AGRN: variants seen among roughly 807,000 people sequenced by gnomAD.
AGRN encodes the protein agrin, also known as agrin proteoglycan.
In AGRN, 106 loss-of-function variants were observed where a neutral mutation model predicts 211.0. The ratio of observed to expected loss-of-function variants is 0.50; its 90% CI spans 0.43 to 0.59. AGRN has a LOEUF of 0.59. Among genes scored for constraint, AGRN ranks in the 20% least tolerant of loss-of-function variants. AGRN has a pLI of 0.00. For synonymous variants in AGRN, 1,525 were observed against 1,332.5 expected, an observed-to-expected ratio of 1.14 and a Z score of -3.15; for missense variants, 3,040 against 2,982.6, an observed-to-expected ratio of 1.02 and a Z score of -0.45.
intron 1 of AGRN, 86 bp from the exon 2 acceptor site, chr1:1,022,115 G>C: frequency 6.5e-7 from 1 of 1,540,872 alleles, no homozygotes. Flanking sequence ...GTCTACTGTG[G>C]ACATTTGCCC....
chr1:1,048,041 A>G lies in AGRN; in HGVS notation c.3781A>G (p.Thr1261Ala), dbSNP rs1384535312. 6.3e-7 allele frequency: 1 copy of G among 1,585,026 alleles called. No homozygotes were observed. Among genetic ancestry groups the G allele is most frequent in the Admixed American group, 1.7e-5 (1 of 58,196 alleles). ...DWFPAFITGA[T>A]SGAIAAGATA... ...GTTTCCTGCGTTTATCACGGGGGCCACGTCAGGAGCCATTGCTGCGGGAGC... is the reference window on the plus strand; with the variant it reads ...GTTTCCTGCGTTTATCACGGGGGCCGCGTCAGGAGCCATTGCTGCGGGAGC... Residue 1261 changes from threonine to alanine, a missense_variant, in exon 23 of 36, where the codon ACG (threonine) becomes GCG (alanine). Physicochemically the swap from Thr to Ala is moderately conservative, Grantham distance 58 (BLOSUM62 0). This residue lies in a region of AGRN where 1,537 missense variants were observed against 1,505.0 expected (regional missense o/e 1.02). Transcript: ENST00000379370. The surrounding 1 kb of genome is among the most constrained non-coding windows in gnomAD (Gnocchi z 5.9).
intron 2 of AGRN, among the ~76,000 whole-genome samples, chr1:1,023,787 C>T (rs998049003): frequency 1.2e-4 from 19 of 152,146 alleles, no homozygotes; most frequent in Admixed American, 4.6e-4. Context: ...AGCCGCTCTA[C>T]GGGTGCCAGG....
At chr1:1,053,416 C>G (rs547041297) in intron 33 of AGRN, 1 of 1,371,272 alleles carries the variant, frequency 7.3e-7, no homozygotes, top group Non-Finnish European at 9.7e-7. Flanking sequence ...GCATTGGCCC[C>G]GCCTGTCCCC....
intron 3 of AGRN, among the ~76,000 whole-genome samples, chr1:1,037,331 C>T (rs756906981): frequency 2.6e-5 from 4 of 152,180 alleles, no homozygotes; most frequent in Non-Finnish European, 4.4e-5. Context: ...TTACACACTG[C>T]CCCCTTCACC....
intron 33 of AGRN, 50 bp downstream of exon 33, chr1:1,051,865 C>T (rs761582547): frequency 2.4e-5 from 38 of 1,605,868 alleles, no homozygotes; most frequent in Middle Eastern, 3.3e-4. Context: ...GCCCTCGGGG[C>T]GGGACACCGG....
chr1:1,029,803 C>T lies in AGRN; in HGVS notation c.464-5474C>T, dbSNP rs1434852876. 8.4e-5 allele frequency among the ~76,000 whole-genome samples: 7 copies of T among 82,856 alleles called. 2 individuals carry two copies. The highest frequency in any genetic ancestry group is 6.4e-4 in the Admixed American group (5 of 7,862). 54.4% of individuals were successfully genotyped at this position (82,856 alleles called of 152,430 possible). A position where few individuals can be genotyped will look rare whatever the true frequency, so the allele number is the denominator to read the frequency against. On this transcript the variant is annotated intron_variant, in intron 2 of 35. Transcript: ENST00000379370. ...TGAGATCGTGTGTGTGTATGCAGTG[C>T]ATGGTGCTGTGTGAGATCAGCGTGT...
At chr1:1,030,592 C>T (rs1644644581) in intron 2 of AGRN, among the ~76,000 whole-genome samples, 1 of 50,918 alleles carries the variant, frequency 2.0e-5, no homozygotes, top group Non-Finnish European at 3.7e-5. Context: ...GTGCATGGTG[C>T]TGTGAGATCA....
chr1:1,029,935 C>G (rs1482786782), intron 2 of AGRN, among the ~76,000 whole-genome samples: 1 of 53,196 alleles, frequency 1.9e-5, no homozygotes, highest in Non-Finnish European at 3.9e-5. Flanking sequence ...TGTGTGAGAT[C>G]AGCATGTGTG....
chr1:1,041,031 C>G (rs1214952992), intron 4 of AGRN, 142 bp from the exon 5 acceptor site: 3 of 369,106 alleles, frequency 8.1e-6, no homozygotes, highest in Admixed American at 1.3e-4. Context: ...GGGGGCGGAG[C>G]GGGGCGGGAG....
At position 1,051,433 on chromosome 1, in the gene AGRN, G is replaced by A; in HGVS notation, c.5371-20G>A. The A allele has an allele frequency of 3.2e-6, 5 of 1,545,340 alleles. No homozygotes were observed. Among genetic ancestry groups the A allele is most frequent in the Non-Finnish European group, 4.3e-6 (5 of 1,150,028 alleles). ...CGGGCGGGGTGGCAGGCGGGACAAG[G>A]CCCTCACCCTGCCCTGCAGGTCTCC... On this transcript the variant is annotated intron_variant, in intron 31 of 35. Transcript: ENST00000379370.
chr1:1,022,676 C>G (rs1021061799), intron 2 of AGRN, among the ~76,000 whole-genome samples: 1 of 152,230 alleles, frequency 6.6e-6, no homozygotes, highest in Non-Finnish European at 1.5e-5. Context: ...GGCCCTGGGG[C>G]CCAAGGCAAG....
chr1:1,046,017 T>C lies in AGRN; in HGVS notation c.2734T>C (p.Cys912Arg), dbSNP rs1279050528. The change falls in exon 16 of 36, where the codon TGC becomes CGC. Residue 912 changes from cysteine (C) to arginine (R), a missense_variant. Coordinates refer to ENST00000379370, the MANE Select transcript of AGRN (RefSeq NM_198576.4). ...AEMRCEFGAR[C>R]VEESGSAHCV... is the part of the protein sequence containing the mutation. ...GATGCGCTGTGAGTTCGGTGCGCGG[T>C]GCGTGGAGGAGTCTGGCTCAGCCCA... 1 of 1,613,916 alleles carries C rather than the reference T, an allele frequency of 6.2e-7. No individual in the cohort carries two copies. The highest frequency in any genetic ancestry group is 8.5e-7 in the Non-Finnish European group (1 of 1,180,000).
chr1:1,048,419 A>G lies in AGRN; in HGVS notation c.4105+54A>G. Reference sequence around the variant, plus strand: ...GGGAGGCAGCAGGGTGGGGGCAAGGATTGGGGGTGGGGCTAAGCCACCATC... The same window carrying G: ...GGGAGGCAGCAGGGTGGGGGCAAGGGTTGGGGGTGGGGCTAAGCCACCATC... On this transcript the variant is annotated intron_variant, in intron 23 of 35. Transcript: ENST00000379370. The surrounding 1 kb of genome is among the most constrained non-coding windows in gnomAD (Gnocchi z 5.9). 8.0e-6 allele frequency: 6 copies of G among 749,210 alleles called. No homozygotes were observed. Among genetic ancestry groups the G allele is most frequent in the Non-Finnish European group, 1.3e-5 (6 of 472,184 alleles). The allele number at this position is 749,210 out of a possible 1,614,324, so 46.4% of individuals were successfully genotyped here.
Position 1,054,569 on chromosome 1 carries a change from A to T in AGRN, c.5980+18A>T. 1 of 1,572,782 alleles carries T rather than the reference A, an allele frequency of 6.4e-7. No individual in the cohort carries two copies. The highest frequency in any genetic ancestry group is 8.6e-7 in the Non-Finnish European group (1 of 1,160,052). ...GTGGCTTGGTGAGTGTTTTGGGGAG[A>T]CTAGAGAGGGATGCCCAAGGGTCTC... On this transcript the variant is annotated intron_variant, in intron 35 of 35. Transcript: ENST00000379370.
intron 2 of AGRN, among the ~76,000 whole-genome samples, chr1:1,026,100 G>A (rs1265595189): frequency 6.6e-6 from 1 of 152,014 alleles, no homozygotes; most frequent in East Asian, 1.9e-4. Context: ...CTGAGCTGGT[G>A]GAAGGAACTC....
Position 1,050,808 on chromosome 1 carries a change from G to T in AGRN, c.5224G>T (p.Asp1742Tyr). 6.3e-7 allele frequency: 1 copy of T among 1,592,336 alleles called. No individual in the cohort carries two copies. The highest frequency in any genetic ancestry group is 1.7e-5 in the Admixed American group (1 of 57,802). ...NGRKGALRVG[D>Y]GPRVLGESPV... ...CCGCAAGGGTGCCCTGCGTGTGGGC[G>T]ACGGCCCCCGTGTGTTGGGGGAGTC... Residue 1742 changes from aspartate to tyrosine, a missense_variant, in exon 30 of 36, where the codon GAC becomes TAC. Transcript: ENST00000379370.
chr1:1,043,288 G>T lies in AGRN; in HGVS notation c.1434G>T (p.Thr478=). The T allele has an allele frequency of 3.1e-6, 5 of 1,611,822 alleles. No individual in the cohort carries two copies. The highest frequency in any genetic ancestry group is 3.4e-6 in the Non-Finnish European group (4 of 1,179,510). The stretch of plus-strand genomic sequence containing the variant: ...GGGTGCAGTGTGCATTTGGGGCGAC[G>T]TGTGCTGTGAAGAACGGGCAGGCAG... ...CLGVQCAFGA[T]CAVKNGQAAC... is the part of the protein sequence containing the mutation. Residue 478 remains threonine (T), a synonymous_variant, in exon 8 of 36, where the codon ACG becomes ACT. Transcript: ENST00000379370.
Position 1,049,576 on chromosome 1 carries a change from C to T in AGRN, c.4525C>T (p.Arg1509Trp), listed in dbSNP as rs768358039. Residue 1509 changes from arginine (R) to tryptophan (W), a missense_variant, in exon 26 of 36, where the codon CGG (arginine) becomes TGG (tryptophan). Arg to Trp is a moderately radical substitution (Grantham distance 101). This residue lies in a region of AGRN where 1,537 missense variants were observed against 1,505.0 expected (regional missense o/e 1.02). Coordinates refer to ENST00000379370, the MANE Select transcript of AGRN (RefSeq NM_198576.4). ...CCCTCCTGGTGGCAGGGCGCTGGAG[C>T]GGACCTTCGTGGGCGCCGGCCTGAG... ...PEDQAAVALE[R>W]TFVGAGLRGC... The T allele has an allele frequency of 6.3e-6, 10 of 1,589,754 alleles. No individual in the cohort carries two copies. The highest frequency in any genetic ancestry group is 6.8e-6 in the Non-Finnish European group (8 of 1,169,282).
chr1:1,033,864 C>G (rs1484265851), intron 2 of AGRN, among the ~76,000 whole-genome samples: 1 of 149,120 alleles, frequency 6.7e-6, no homozygotes, highest in East Asian at 2.0e-4. Context: ...GCCCGGCGTT[C>G]CCTTTTGTGC....
Sources: gnomAD v4.1 joint callset for allele counts (sites outside exome capture counted in the v4.1 genomes callset) on GRCh38, gnomAD v4.1.1 for gene constraint, gnomAD v4.1.1 regional missense constraint, Gnocchi (gnomAD v3.1) non-coding constraint, MANE v1.5 for transcripts, NCBI Gene and HGNC (gene_info 2026-07-23, HGNC 2026-07-21) for gene names.